ARAP2: variants seen among roughly 807,000 people sequenced by gnomAD.
ARAP2 encodes ArfGAP with RhoGAP domain, ankyrin repeat and PH domain 2.
Under a neutral mutation model 194.5 loss-of-function variants are expected in ARAP2, and 148 were observed. That is an observed-to-expected ratio of 0.76 (90% CI 0.67 to 0.87). The LOEUF (loss-of-function observed/expected upper bound fraction) is 0.87, where lower values mean the gene tolerates loss of function less well. Among genes scored for constraint, ARAP2 ranks in the 40% least tolerant of loss-of-function variants. The pLI is 0.00. For missense variants in ARAP2, 2,128 were observed against 1,989.7 expected (o/e 1.07, Z -1.32); for synonymous variants, 695 against 683.5 (o/e 1.02, Z -0.26).
chr4:36,031,441 G>A (rs1423622944), intron 5 of ARAP2, among the ~76,000 whole-genome samples: 1 of 152,066 alleles, frequency 6.6e-6, no homozygotes, highest in Non-Finnish European at 1.5e-5. Context: ...GGAAAATAGG[G>A]TATTTCTTTT....
chr4:36,126,261 G>T (rs1037773267), intron 21 of ARAP2, among the ~76,000 whole-genome samples: 1 of 151,954 alleles, frequency 6.6e-6, no homozygotes, highest in African/African-American at 2.4e-5. Context: ...AACTGTAGGA[G>T]AAATTGCATT....
intron 8 of ARAP2, among the ~76,000 whole-genome samples, chr4:36,013,556 A>G (rs1714952181): frequency 6.6e-6 from 1 of 152,200 alleles, no homozygotes; most frequent in Non-Finnish European, 1.5e-5. Flanking sequence ...ACATTACAGG[A>G]AAGAAAGTAG....
chr4:36,221,156 T>A (rs1749087481), intron 2 of ARAP2, among the ~76,000 whole-genome samples: 1 of 152,156 alleles, frequency 6.6e-6, no homozygotes. Context: ...TGTACAGGTT[T>A]GTAGCCTAGG....
At chr4:36,142,427 C>T (rs938556656) in intron 19 of ARAP2, among the ~76,000 whole-genome samples, 33 of 151,380 alleles carry the variant, frequency 2.2e-4, no homozygotes, top group Non-Finnish European at 4.9e-4. Flanking sequence ...ATCCTATGAA[C>T]CTCCCTCCAG....
chr4:36,008,872 C>T (rs1329296910), intron 9 of ARAP2, among the ~76,000 whole-genome samples: 1 of 151,768 alleles, frequency 6.6e-6, no homozygotes, highest in East Asian at 1.9e-4. Flanking sequence ...TAACCTTATT[C>T]AAAATTGGGC....
intron 1 of ARAP2, among the ~76,000 whole-genome samples, chr4:36,235,045 A>G (rs189945807): frequency 6.6e-6 from 1 of 152,296 alleles, no homozygotes; most frequent in Non-Finnish European, 1.5e-5. Flanking sequence ...CTCAATAAAC[A>G]GCACCTTTTT....
At chr4:36,082,407 G>A (rs1043005746) in intron 29 of ARAP2, 121 bp from the exon 30 acceptor site, 54 of 985,564 alleles carry the variant, frequency 5.5e-5, no homozygotes, top group Admixed American at 1.0e-4. Flanking sequence ...ACTTCCACAA[G>A]TGGTGATTCA....
At chr4:36,032,749 G>A (rs1391708049) in intron 5 of ARAP2, among the ~76,000 whole-genome samples, 1 of 152,084 alleles carries the variant, frequency 6.6e-6, no homozygotes, top group African/African-American at 2.4e-5. Context: ...ACAAGGGTTT[G>A]TTGTACAGAT....
At chr4:36,035,565 T>C (rs1470941138) in intron 5 of ARAP2, among the ~76,000 whole-genome samples, 1 of 152,140 alleles carries the variant, frequency 6.6e-6, no homozygotes, top group African/African-American at 2.4e-5. Context: ...AAAGTGTATG[T>C]GCCTATTTAC....
chr4:36,084,719 T>C (rs1483124672), intron 28 of ARAP2, among the ~76,000 whole-genome samples: 1 of 152,034 alleles, frequency 6.6e-6, no homozygotes, highest in Non-Finnish European at 1.5e-5. Context: ...TAGGAGGATA[T>C]AACAGAAATA....
intron 20 of ARAP2, among the ~76,000 whole-genome samples, chr4:36,132,202 G>T (rs1047171168): frequency 5.3e-5 from 8 of 151,590 alleles, no homozygotes; most frequent in African/African-American, 1.7e-4. Flanking sequence ...GCTTTGTCTT[G>T]AACTTTTTAC....
intron 13 of ARAP2, 188 bp downstream of exon 13, chr4:36,160,271 T>C (rs1733608608): frequency 1.7e-6 from 2 of 1,195,198 alleles, no homozygotes; most frequent in Middle Eastern, 3.4e-4. Context: ...GAAGAATTTA[T>C]GCTCTTTTGA....
At chr4:36,154,731 C>T (rs1030627747) in intron 15 of ARAP2, among the ~76,000 whole-genome samples, 1 of 152,150 alleles carries the variant, frequency 6.6e-6, no homozygotes, top group Non-Finnish European at 1.5e-5. Flanking sequence ...TCTGGGACTG[C>T]ATGCATTTTA....
chr4:36,023,786 G>A (rs547254229), intron 5 of ARAP2, among the ~76,000 whole-genome samples: 1 of 152,272 alleles, frequency 6.6e-6, no homozygotes, highest in South Asian at 2.1e-4. Flanking sequence ...CATGAATGCT[G>A]ATGCGAAACT....
chr4:36,210,533 C>G lies in ARAP2; in HGVS notation c.1344G>C (p.Arg448Ser), dbSNP rs150485504. ...QKALILDSVN[R>S]HSYPLSSTSG... is the part of the protein sequence containing the mutation. ...TTGTTGAGCTTAACGGATAACTGTG[C>G]CTATTAACGGAGTCCAAAATCAAGG... The change falls in exon 6 of 33, where the codon AGG (arginine) becomes AGC (serine). Residue 448 changes from arginine to serine, a missense_variant. Arg to Ser is a moderately radical substitution (Grantham distance 110). Coordinates refer to ENST00000303965, the MANE Select transcript of ARAP2 (RefSeq NM_015230.4). 1 of 1,613,870 alleles carries G rather than the reference C, an allele frequency of 6.2e-7. No homozygotes were observed. Among genetic ancestry groups the G allele is most frequent in the South Asian group, 1.1e-5 (1 of 91,070 alleles).
chr4:36,182,300 G>A (rs1739475724), intron 8 of ARAP2, among the ~76,000 whole-genome samples: 1 of 152,050 alleles, frequency 6.6e-6, no homozygotes, highest in African/African-American at 2.4e-5. Flanking sequence ...AGACCATCCT[G>A]GCTAACACGG....
intron 5 of ARAP2, among the ~76,000 whole-genome samples, chr4:36,031,954 C>A (rs1412427140): frequency 6.6e-6 from 1 of 152,094 alleles, no homozygotes; most frequent in Non-Finnish European, 1.5e-5. Flanking sequence ...CAGACATGAG[C>A]CACCATGCCA....
chr4:36,054,103 T>C (rs1723113558), intron 2 of ARAP2, among the ~76,000 whole-genome samples: 2 of 152,210 alleles, frequency 1.3e-5, no homozygotes, highest in Admixed American at 6.5e-5. Flanking sequence ...ACACCGTGAA[T>C]GCTTCATACA....
At chr4:36,079,032 G>A (rs1168988596) in intron 31 of ARAP2, among the ~76,000 whole-genome samples, 5 of 151,728 alleles carry the variant, frequency 3.3e-5, no homozygotes, top group African/African-American at 1.2e-4. Flanking sequence ...AAATTAGCTG[G>A]GCACGGTGGT....
Sources: allele counts gnomAD v4.1 joint callset (sites outside exome capture counted in the v4.1 genomes callset), GRCh38; gene constraint gnomAD v4.1.1; transcripts MANE v1.5; gene names NCBI Gene and HGNC (gene_info 2026-07-23, HGNC 2026-07-21).